Variants in TRPM3 observed in about 807,000 individuals in gnomAD.
TRPM3 encodes the protein long transient receptor potential channel 3.
A neutral mutation model predicts 181.2 loss-of-function variants in TRPM3; 77 were observed. That is an observed-to-expected ratio of 0.42 (90% confidence interval 0.35 to 0.51). The LOEUF is 0.51. TRPM3 is among the 20% of genes least tolerant of loss of function. TRPM3 has a pLI of 0.01. For missense variants in TRPM3, 1,759 were observed against 2,196.7 expected (o/e 0.80, Z 3.98); for synonymous variants, 745 against 796.4 (o/e 0.94, Z 1.09).
At chr9:71,087,100 A>G (rs1008268884) in intron 1 of TRPM3, among the ~76,000 whole-genome samples, 21 of 151,982 alleles carry the variant, frequency 1.4e-4, no homozygotes, top group Admixed American at 2.6e-4. Flanking sequence ...AAACTTTTAT[A>G]TATCTCTGGT....
intron 1 of TRPM3, among the ~76,000 whole-genome samples, chr9:71,035,093 C>A (rs928999504): frequency 6.6e-6 from 1 of 152,126 alleles, no homozygotes; most frequent in South Asian, 2.1e-4. Flanking sequence ...CAGGCCAACT[C>A]TTTTGTTGTA....
chr9:70,619,214 G>C (rs2063235487), intron 16 of TRPM3, 119 bp from the exon 17 acceptor site: 1 of 750,258 alleles, frequency 1.3e-6, no homozygotes, highest in Non-Finnish European at 2.2e-6. Flanking sequence ...GTTTCATATG[G>C]GGTCTAGTCT....
intron 1 of TRPM3, among the ~76,000 whole-genome samples, chr9:70,996,093 T>G (rs1385704984): frequency 6.6e-6 from 1 of 152,172 alleles, no homozygotes; most frequent in Non-Finnish European, 1.5e-5. Flanking sequence ...GTTCTACACA[T>G]TGAAGGTACT....
intron 1 of TRPM3, among the ~76,000 whole-genome samples, chr9:70,874,438 T>C (rs767051502): frequency 6.6e-6 from 1 of 152,000 alleles, no homozygotes; most frequent in Admixed American, 6.6e-5. Flanking sequence ...GCCAAAGTTA[T>C]ACGTCAGCCA....
intron 8 of TRPM3, among the ~76,000 whole-genome samples, chr9:70,683,148 G>T (rs995432651): frequency 1.3e-5 from 2 of 152,170 alleles, no homozygotes; most frequent in African/African-American, 2.4e-5. Context: ...ACCTGTTTAC[G>T]TCCTAAGGTC....
intron 3 of TRPM3, among the ~76,000 whole-genome samples, chr9:70,856,682 T>C (rs1334036513): frequency 2.6e-5 from 4 of 152,096 alleles, no homozygotes; most frequent in African/African-American, 9.7e-5. Context: ...AGGCTCTATA[T>C]AGTTAGAGCT....
chr9:71,227,731 A>G (rs1284881527), intron 1 of TRPM3, among the ~76,000 whole-genome samples: 1 of 152,146 alleles, frequency 6.6e-6, no homozygotes, highest in Non-Finnish European at 1.5e-5. Context: ...AAATTGGAAA[A>G]CCTAGAAGAA....
At chr9:70,923,564 T>C (rs915336468) in intron 1 of TRPM3, among the ~76,000 whole-genome samples, 2 of 152,080 alleles carry the variant, frequency 1.3e-5, no homozygotes, top group African/African-American at 4.8e-5. Flanking sequence ...AGTAATGCCA[T>C]TAATACAAGG....
intron 1 of TRPM3, among the ~76,000 whole-genome samples, chr9:71,200,915 T>G (rs1293555262): frequency 2.0e-5 from 3 of 150,828 alleles, no homozygotes; most frequent in Admixed American, 6.6e-5. Context: ...ATCCTGTCAT[T>G]ATGATGTTAG....
chr9:71,445,172 A>G, intron 1 of TRPM3, among the ~76,000 whole-genome samples: 1 of 152,202 alleles, frequency 6.6e-6, no homozygotes, highest in Admixed American at 6.5e-5. Flanking sequence ...TATGTTCCTG[A>G]TATAGACTGT....
At chr9:71,336,325 C>CA (rs1372853400) in intron 1 of TRPM3, among the ~76,000 whole-genome samples, 1 of 152,006 alleles carries the variant, frequency 6.6e-6, no homozygotes, top group Admixed American at 6.6e-5. Context: ...GTCAAACAGC[C>CA]AAATCATGAG....
chr9:70,784,650 G>A (rs927792586), intron 6 of TRPM3, among the ~76,000 whole-genome samples: 5 of 152,152 alleles, frequency 3.3e-5, no homozygotes, highest in African/African-American at 7.2e-5. Context: ...TCTGAAGCAA[G>A]TCTTTTATCT....
chr9:70,871,334 T>G (rs1482573955), intron 1 of TRPM3, among the ~76,000 whole-genome samples: 1 of 152,054 alleles, frequency 6.6e-6, no homozygotes, highest in Admixed American at 6.6e-5. Flanking sequence ...TTCATCTGAA[T>G]TACTTTAAAC....
chr9:71,259,127 G>A (rs763379077), intron 1 of TRPM3, among the ~76,000 whole-genome samples: 9 of 151,858 alleles, frequency 5.9e-5, no homozygotes, highest in Non-Finnish European at 1.3e-4. Context: ...TCCCACTTAT[G>A]AGTGAGAACA....
intron 1 of TRPM3, among the ~76,000 whole-genome samples, chr9:70,979,583 T>C (rs1590250835): frequency 6.6e-6 from 1 of 152,308 alleles, no homozygotes; most frequent in South Asian, 2.1e-4. Flanking sequence ...GTAATTTAAA[T>C]TGACAATCCT....
At chr9:71,358,189 A>G (rs1038203044) in intron 1 of TRPM3, among the ~76,000 whole-genome samples, 2 of 152,192 alleles carry the variant, frequency 1.3e-5, no homozygotes, top group African/African-American at 4.8e-5. Flanking sequence ...AAGCTCAGTA[A>G]CAGGATATCA....
intron 1 of TRPM3, among the ~76,000 whole-genome samples, chr9:71,075,776 T>C (rs1420532872): frequency 6.6e-6 from 1 of 152,230 alleles, no homozygotes; most frequent in South Asian, 2.1e-4. Context: ...TGTAACTCTA[T>C]TGGCATAAGG....
chr9:71,032,187 A>G (rs2057601031), intron 1 of TRPM3, among the ~76,000 whole-genome samples: 1 of 98,174 alleles, frequency 1.0e-5, no homozygotes, highest in East Asian at 2.7e-4. Flanking sequence ...ACTATATATT[A>G]TATAATATAA....
At chr9:71,045,300 T>C (rs1458985204) in intron 1 of TRPM3, among the ~76,000 whole-genome samples, 1 of 152,116 alleles carries the variant, frequency 6.6e-6, no homozygotes, top group African/African-American at 2.4e-5. Context: ...TCCTTCCATG[T>C]CACCTTCTTA....
Sources: allele counts gnomAD v4.1 joint callset (sites outside exome capture counted in the v4.1 genomes callset), GRCh38; gene constraint gnomAD v4.1.1; transcripts MANE v1.5; gene names NCBI Gene and HGNC (gene_info 2026-07-23, HGNC 2026-07-21).